The following ATP6V0D2 variants were observed in gnomAD, a reference collection of about 807,000 sequenced individuals.
The protein encoded by ATP6V0D2 is V-type proton ATPase subunit d 2.
In ATP6V0D2, 40 loss-of-function variants were observed where a neutral mutation model predicts 40.0. The observed-to-expected ratio is 1.00, with a 90% CI of 0.78 to 1.30. The LOEUF is 1.30. Among genes scored for constraint, ATP6V0D2 ranks in the 50% most tolerant of loss-of-function variants. ATP6V0D2 has a pLI of 0.00. For synonymous variants in ATP6V0D2, 179 were observed against 156.3 expected, an observed-to-expected ratio of 1.15 and a Z score of -1.08; for missense variants, 470 against 423.1, an observed-to-expected ratio of 1.11 and a Z score of -0.97.
At chr8:86,115,978 G>A (rs761915606) in intron 2 of ATP6V0D2, among the ~76,000 whole-genome samples, 52 of 152,084 alleles carry the variant, frequency 3.4e-4, no homozygotes, top group Non-Finnish European at 1.3e-4. Flanking sequence ...TATTGACAGT[G>A]GGCAAGAGCA....
intron 7 of ATP6V0D2, among the ~76,000 whole-genome samples, chr8:86,151,868 G>A (rs1423166047): frequency 6.7e-6 from 1 of 150,024 alleles, no homozygotes; most frequent in Non-Finnish European, 1.5e-5. Context: ...TATTACAAAT[G>A]CTACAAATTT....
At chr8:86,126,252 A>ATATATATATATGTATG (rs1232910654) in intron 2 of ATP6V0D2, among the ~76,000 whole-genome samples, 7 of 135,830 alleles carry the variant, frequency 5.2e-5, no homozygotes, top group Non-Finnish European at 9.7e-5. Context: ...ATATATATAT[A>ATATATATATATGTATG]TATATATATA....
chr8:86,151,656 C>T (rs768034995), intron 7 of ATP6V0D2, 116 bp downstream of exon 7: 11 of 730,210 alleles, frequency 1.5e-5, no homozygotes, highest in Non-Finnish European at 2.5e-5. Context: ...TAGGCACATT[C>T]ATAGCTTGAT....
Position 86,150,284 on chromosome 8 carries a change from A to G in ATP6V0D2, c.812A>G (p.Tyr271Cys), listed in dbSNP as rs1449433576. 3 of 1,613,074 alleles carry G rather than the reference A, an allele frequency of 1.9e-6. No homozygotes were observed. The South Asian group carries it at 3.3e-5, about 18-fold the overall frequency. ...FDQMKNVADH[Y>C]GVYKPLFEAV... ...CAGATGAAGAACGTAGCGGATCATT[A>G]CGGAGTATGTGATGACACTGGCTTC... is the stretch of plus-strand genomic sequence containing the variant. Residue 271 changes from tyrosine to cysteine, a missense_variant, in exon 6 of 8, where the codon TAC becomes TGC. Coordinates refer to ENST00000285393, the MANE Select transcript of ATP6V0D2 (RefSeq NM_152565.1).
chr8:86,099,587 G>T (rs531701509), intron 1 of ATP6V0D2, among the ~76,000 whole-genome samples: 2 of 152,082 alleles, frequency 1.3e-5, no homozygotes, highest in Non-Finnish European at 2.9e-5. Context: ...TCCGCCTCCC[G>T]GGTTCAAGCA....
intron 3 of ATP6V0D2, among the ~76,000 whole-genome samples, chr8:86,140,142 C>T (rs552524917): frequency 6.6e-6 from 1 of 152,200 alleles, no homozygotes; most frequent in South Asian, 2.1e-4. Context: ...GTCAAGTCAT[C>T]AGAAGCAATG....
rs996290837 is a variant in ATP6V0D2, at chr8:86,111,224, T to C, written c.131-2485T>C. 2.6e-5 allele frequency among the ~76,000 whole-genome samples: 4 copies of C among 151,254 alleles called. No homozygotes were observed. In the South Asian group the frequency reaches 8.5e-4, roughly 32 times the overall value. ...AATGTAGAGACAAGGTCTTGCTTTG[T>C]CACCCAGGCTAGAGTACAGTGGCGA... On this transcript the variant is annotated intron_variant, in intron 1 of 7. Transcript: ENST00000285393.
chr8:86,104,336 A>G (rs1022847764), intron 1 of ATP6V0D2, among the ~76,000 whole-genome samples: 3 of 152,132 alleles, frequency 2.0e-5, no homozygotes, highest in African/African-American at 7.2e-5. Context: ...CACCACAACC[A>G]GCCAGGAATA....
intron 1 of ATP6V0D2, among the ~76,000 whole-genome samples, chr8:86,108,765 C>A (rs1818500408): frequency 6.6e-6 from 1 of 152,144 alleles, no homozygotes. Flanking sequence ...AGTCTGCCAA[C>A]AAATTAGTAG....
chr8:86,117,444 C>T (rs902460336), intron 2 of ATP6V0D2, among the ~76,000 whole-genome samples: 2 of 152,302 alleles, frequency 1.3e-5, no homozygotes, highest in Non-Finnish European at 2.9e-5. Flanking sequence ...CTTTCTACTC[C>T]ATTTCTGTAA....
At chr8:86,144,804 C>A (rs1819024714) in intron 5 of ATP6V0D2, among the ~76,000 whole-genome samples, 1 of 151,902 alleles carries the variant, frequency 6.6e-6, no homozygotes, top group Admixed American at 6.6e-5. Context: ...GTAGCTGGAA[C>A]CACATGCACA....
rs1443972100 is a variant in ATP6V0D2 at position 86,146,844 on chromosome 8, T to C, written c.640-3268T>C. ...TTTCGATCATGTAATTACCTCCCTT[T>C]TACTTTTGTAACTATAAAGCACTTA... On this transcript the variant is annotated intron_variant, in intron 5 of 7. Coordinates refer to ENST00000285393, the MANE Select transcript of ATP6V0D2 (RefSeq NM_152565.1). Among the ~76,000 whole-genome samples the C allele has an allele frequency of 3.3e-5, 5 of 152,218 alleles. No homozygotes were observed. In the East Asian group the frequency reaches 9.6e-4, roughly 29 times the overall value.
At chr8:86,129,736 G>A (rs1255111118) in intron 2 of ATP6V0D2, among the ~76,000 whole-genome samples, 12 of 151,882 alleles carry the variant, frequency 7.9e-5, no homozygotes, top group African/African-American at 2.7e-4. Context: ...CCAGGAGGCA[G>A]AGGTTGCAGT....
intron 1 of ATP6V0D2, among the ~76,000 whole-genome samples, chr8:86,101,704 A>C: frequency 6.6e-6 from 1 of 152,070 alleles, no homozygotes; most frequent in East Asian, 1.9e-4. Flanking sequence ...AATCCCTCTC[A>C]AAGACCTCAA....
intron 2 of ATP6V0D2, among the ~76,000 whole-genome samples, chr8:86,119,319 C>G (rs1012191802): frequency 1.3e-5 from 2 of 151,754 alleles, no homozygotes; most frequent in Non-Finnish European, 2.9e-5. Context: ...AGCTCCACCC[C>G]CCAGGTTCAA....
At chr8:86,121,000 G>A (rs904244832) in intron 2 of ATP6V0D2, among the ~76,000 whole-genome samples, 2 of 152,144 alleles carry the variant, frequency 1.3e-5, no homozygotes, top group Admixed American at 6.5e-5. Context: ...AGGCACCCAG[G>A]TTATACTGAG....
chr8:86,129,830 G>A (rs1818794364), intron 2 of ATP6V0D2, among the ~76,000 whole-genome samples: 1 of 149,350 alleles, frequency 6.7e-6, no homozygotes, highest in Admixed American at 6.7e-5. Context: ...GAAAAAAATT[G>A]ACCAGGCATG....
rs186498365 is a variant in ATP6V0D2, at chr8:86,120,710, A to G, written c.302+6830A>G. Among the ~76,000 whole-genome samples, 77 of 152,332 alleles carry G rather than the reference A, an allele frequency of 5.1e-4. 1 individual carries two copies. Among genetic ancestry groups the G allele is most frequent in the Non-Finnish European group, 8.8e-4 (60 of 68,020 alleles). ...CTTCACCTCTACACAAGAACCCTGC[A>G]AAACAGGTGTTTATATCTCCAATTT... On this transcript the variant is annotated intron_variant, in intron 2 of 7. Transcript: ENST00000285393.
intron 2 of ATP6V0D2, among the ~76,000 whole-genome samples, chr8:86,130,824 C>A (rs1014994272): frequency 1.6e-4 from 25 of 152,112 alleles, no homozygotes; most frequent in African/African-American, 6.0e-4. Flanking sequence ...TATGGGGAAG[C>A]CTCGGAGCAT....
Sources: gnomAD v4.1 joint callset for allele counts (sites outside exome capture counted in the v4.1 genomes callset) on GRCh38, gnomAD v4.1.1 for gene constraint, MANE v1.5 for transcripts, NCBI Gene and HGNC (gene_info 2026-07-23, HGNC 2026-07-21) for gene names.